Variants in CNBD1 observed in about 807,000 individuals in gnomAD.
CNBD1 encodes cyclic nucleotide-binding domain-containing protein 1.
In CNBD1, 71 loss-of-function variants were observed where a neutral mutation model predicts 54.4. That is an observed-to-expected ratio of 1.30 (90% confidence interval 1.08 to 1.59). The LOEUF (loss-of-function observed/expected upper bound fraction) is 1.59. Among genes scored for constraint, CNBD1 ranks in the 40% most tolerant of loss-of-function variants. The probability of loss-of-function intolerance (pLI) is 0.00; values close to 1 mark genes in which losing one functional copy is unlikely to be tolerated. For synonymous variants in CNBD1, 182 were observed against 170.7 expected, an observed-to-expected ratio of 1.07 and a Z score of -0.51; for missense variants, 659 against 518.0, an observed-to-expected ratio of 1.27 and a Z score of -2.64.
intron 2 of CNBD1, among the ~76,000 whole-genome samples, chr8:87,423,494 G>A (rs1279562743): frequency 2.6e-5 from 4 of 151,596 alleles, no homozygotes; most frequent in Admixed American, 1.3e-4. Context: ...AAGGGTTGTT[G>A]AATTTTGTCA....
intron 4 of CNBD1, among the ~76,000 whole-genome samples, chr8:87,150,813 TTGA>T (rs1299936141): frequency 6.6e-6 from 1 of 152,196 alleles, no homozygotes; most frequent in East Asian, 1.9e-4. Flanking sequence ...TGTGTCTTTC[TTGA>T]TGATTATATT....
downstream of CNBD1, among the ~76,000 whole-genome samples, chr8:87,387,556 C>T (rs1420602049): frequency 6.6e-6 from 1 of 152,150 alleles, no homozygotes; most frequent in Non-Finnish European, 1.5e-5. Context: ...GAAGAGCTAA[C>T]TATCCTAAAC....
intron 5 of CNBD1, among the ~76,000 whole-genome samples, chr8:87,235,824 T>A (rs549293441): frequency 1.3e-5 from 2 of 152,278 alleles, no homozygotes; most frequent in Non-Finnish European, 2.9e-5. Flanking sequence ...AAATGCCATA[T>A]CTGTGAAGCA....
At chr8:87,016,171 A>T (rs1809352845) in intron 4 of CNBD1, among the ~76,000 whole-genome samples, 1 of 151,962 alleles carries the variant, frequency 6.6e-6, no homozygotes, top group South Asian at 2.1e-4. Flanking sequence ...ATATAACCTT[A>T]GTAATCTTTA....
intron 4 of CNBD1, among the ~76,000 whole-genome samples, chr8:86,987,449 AAG>A (rs1808634303): frequency 6.6e-6 from 1 of 152,154 alleles, no homozygotes; most frequent in African/African-American, 2.4e-5. Context: ...AATGTCAATA[AAG>A]AGAGACAGTT....
chr8:87,087,450 A>ATT (rs1811122690), intron 4 of CNBD1, among the ~76,000 whole-genome samples: 1 of 149,408 alleles, frequency 6.7e-6, no homozygotes, highest in Non-Finnish European at 1.5e-5. Context: ...AGATTCCTCT[A>ATT]TTGAAGTACA....
intron 2 of CNBD1, among the ~76,000 whole-genome samples, chr8:87,389,631 G>A (rs1811266930): frequency 1.3e-5 from 2 of 152,120 alleles, no homozygotes; most frequent in African/African-American, 4.8e-5. Flanking sequence ...AACATTCCAT[G>A]CCCATGGGTA....
intron 2 of CNBD1, among the ~76,000 whole-genome samples, chr8:87,394,250 G>A (rs368131983): frequency 1.1e-4 from 17 of 151,944 alleles, no homozygotes; most frequent in African/African-American, 4.1e-4. Flanking sequence ...ACAATGCAAA[G>A]CGTTGCTAAA....
intron 10 of CNBD1, among the ~76,000 whole-genome samples, chr8:87,379,248 A>G (rs555727541): frequency 4.6e-5 from 7 of 152,130 alleles, no homozygotes; most frequent in Admixed American, 1.3e-4. Flanking sequence ...TGAGTGACCT[A>G]CAAAGAGACT....
Position 87,373,416 on chromosome 8 carries a change from C to T in CNBD1, c.1304-9204C>T, listed in dbSNP as rs376118048. On this transcript the variant is annotated intron_variant, in intron 10 of 10. Coordinates refer to ENST00000518476, the MANE Select transcript of CNBD1 (RefSeq NM_173538.3). The stretch of plus-strand genomic sequence containing the variant: ...TTAAAGGCATTATCACAAACCCTTG[C>T]TGCATCTCTCGCTTACCTAAACATG... Among the ~76,000 whole-genome samples the T allele has an allele frequency of 2.6e-5, 4 of 151,948 alleles. No individual in the cohort carries two copies. The East Asian group carries it at 7.8e-4, about 30-fold the overall frequency.
At chr8:87,177,125 A>C (rs1321534342) in intron 4 of CNBD1, among the ~76,000 whole-genome samples, 1 of 152,212 alleles carries the variant, frequency 6.6e-6, no homozygotes, top group Non-Finnish European at 1.5e-5. Flanking sequence ...ACCTGCACTG[A>C]AAAATTTAAA....
chr8:87,191,469 C>T (rs1456879851), intron 4 of CNBD1, among the ~76,000 whole-genome samples: 2 of 152,178 alleles, frequency 1.3e-5, no homozygotes, highest in Non-Finnish European at 2.9e-5. Flanking sequence ...GAGACACCCC[C>T]AGAAACAATA....
At chr8:87,344,345 G>A (rs996644849) in intron 8 of CNBD1, among the ~76,000 whole-genome samples, 8 of 152,002 alleles carry the variant, frequency 5.3e-5, no homozygotes, top group African/African-American at 1.2e-4. Flanking sequence ...GTATTAAGAA[G>A]GAGTTTACAA....
At chr8:87,363,831 T>C (rs189483224) in intron 10 of CNBD1, among the ~76,000 whole-genome samples, 50 of 152,272 alleles carry the variant, frequency 3.3e-4, no homozygotes, top group Non-Finnish European at 4.1e-4. Flanking sequence ...GATAGTTTCT[T>C]TTGCTGTGCA....
rs1807511811 is a variant in CNBD1, at chr8:87,399,643, A to G, written c.214-28903A>G. ...AAATATTTAACCCTTGGTAAAGCCT[A>G]AGCTCTGATCCATTCTAAGGAGTGC... On this transcript the variant is annotated intron_variant, in intron 2 of 7. Transcript: ENST00000521593. Among the ~76,000 whole-genome samples, 4 of 151,926 alleles carry G rather than the reference A, an allele frequency of 2.6e-5. No homozygotes were observed. In the South Asian group the frequency reaches 8.3e-4, roughly 31 times the overall value.
At chr8:87,412,364 C>A (rs1325499797) in intron 2 of CNBD1, among the ~76,000 whole-genome samples, 1 of 152,006 alleles carries the variant, frequency 6.6e-6, no homozygotes, top group South Asian at 2.1e-4. Context: ...AATACTATGT[C>A]AATATATCAC....
intron 4 of CNBD1, among the ~76,000 whole-genome samples, chr8:87,065,992 C>T (rs570648799): frequency 2.6e-5 from 4 of 152,064 alleles, no homozygotes; most frequent in Non-Finnish European, 4.4e-5. Context: ...AGACTATGAA[C>T]ACCAATATAG....
At chr8:87,295,851 C>A (rs1415088604) in intron 8 of CNBD1, among the ~76,000 whole-genome samples, 1 of 152,018 alleles carries the variant, frequency 6.6e-6, no homozygotes, top group East Asian at 1.9e-4. Flanking sequence ...TTTCTCTAAG[C>A]AAACCAAATA....
intron 6 of CNBD1, among the ~76,000 whole-genome samples, chr8:87,284,076 A>G (rs1585982750): frequency 6.6e-6 from 1 of 152,210 alleles, no homozygotes; most frequent in Admixed American, 6.6e-5. Context: ...TCTCATAAAA[A>G]TACGCTCCTT....
Sources: gnomAD v4.1 joint callset for allele counts (sites outside exome capture counted in the v4.1 genomes callset) on GRCh38, gnomAD v4.1.1 for gene constraint, MANE v1.5 for transcripts, NCBI Gene and HGNC (gene_info 2026-07-23, HGNC 2026-07-21) for gene names.